The following C1QTNF12 variants were observed in gnomAD, a reference collection of about 807,000 sequenced individuals.
The protein encoded by C1QTNF12 is adipolin.
In C1QTNF12, 39 loss-of-function variants were observed where a neutral mutation model predicts 34.3. That is an observed-to-expected ratio of 1.14 (90% CI 0.88 to 1.49). The LOEUF is 1.49. Ranked by LOEUF, C1QTNF12 falls within the 40% of genes most tolerant of loss-of-function variation. The probability of loss-of-function intolerance (pLI) is 0.00; values close to 1 mark genes in which losing one functional copy is unlikely to be tolerated. For synonymous variants in C1QTNF12, 220 were observed against 196.9 expected, an observed-to-expected ratio of 1.12 and a Z score of -0.98; for missense variants, 497 against 424.7, an observed-to-expected ratio of 1.17 and a Z score of -1.50.
rs1638835191 is a variant in C1QTNF12, at chr1:1,244,661, C to T, written c.178-164G>A. ...GAGTCAGAACCCTGACGTCCCAATG[C>T]CACCAGCAGGGCAGGCATGCGGGGC... On this transcript the variant is annotated intron_variant, in intron 1 of 7. Transcript: ENST00000330388. 4.8e-6 allele frequency: 3 copies of T among 620,746 alleles called. No homozygotes were observed. The South Asian group carries it at 5.8e-5, about 12-fold the overall frequency. The allele number at this position is 620,746 out of a possible 1,614,324, so 38.5% of individuals were successfully genotyped here.
At position 1,243,130 on chromosome 1, in the gene C1QTNF12, C is replaced by G; in HGVS notation, c.663G>C (p.Lys221Asn). The G allele has an allele frequency of 1.9e-6, 3 of 1,561,188 alleles. No homozygotes were observed. In the Middle Eastern group the frequency reaches 5.1e-4, roughly 264 times the overall value. The change falls in exon 6 of 8, where the codon AAG becomes AAC. Residue 221 changes from lysine to asparagine, a missense_variant. Physicochemically the swap from Lys to Asn is moderately conservative, Grantham distance 94 (BLOSUM62 0). Coordinates refer to ENST00000330388, the MANE Select transcript of C1QTNF12 (RefSeq NM_001014980.3). ...LHVDHSELQG[K>N]ARLRARDVVC... Reference sequence around the variant, plus strand: ...CCACGTCCCGGGCCCGCAGCCGGGCCTTGCCCTGCAGCTCACTGTGGTCTG... The same window carrying G: ...CCACGTCCCGGGCCCGCAGCCGGGCGTTGCCCTGCAGCTCACTGTGGTCTG...
Position 1,246,272 on chromosome 1 carries a change from C to A in C1QTNF12, c.177+242G>T, listed in dbSNP as rs1335885941. 6.6e-6 allele frequency among the ~76,000 whole-genome samples: 1 copy of A among 152,042 alleles called. No individual in the cohort carries two copies. The highest frequency in any genetic ancestry group is 1.5e-5 in the Non-Finnish European group (1 of 67,982). ...TGCGGCCCCCAACCGCGGGAAGCCC[C>A]CTTCACCCACCCACCCCAGGCCAGC... On this transcript the variant is annotated intron_variant, in intron 1 of 7. Coordinates refer to ENST00000330388, the MANE Select transcript of C1QTNF12 (RefSeq NM_001014980.3). The surrounding 1 kb of genome is among the most constrained non-coding windows in gnomAD (Gnocchi z 4.5).
chr1:1,245,971 C>T (rs991059626), intron 1 of C1QTNF12, among the ~76,000 whole-genome samples: 3 of 152,144 alleles, frequency 2.0e-5, no homozygotes, highest in African/African-American at 7.2e-5. Context: ...GGGCTTGGGG[C>T]CTTCTGTCTT....
chr1:1,243,804 C>G, intron 4 of C1QTNF12, 150 bp downstream of exon 4: 1 of 1,181,854 alleles, frequency 8.5e-7, no homozygotes, highest in Non-Finnish European at 1.2e-6. Flanking sequence ...GGCCTCCCAA[C>G]CCTGACCCGA....
At chr1:1,244,530 G>A (rs1041704456) in intron 1 of C1QTNF12, 33 bp from the exon 2 acceptor site, 5 of 1,492,500 alleles carry the variant, frequency 3.4e-6, no homozygotes, top group Non-Finnish European at 4.7e-6. Flanking sequence ...GCGCACTGAG[G>A]CTGCACCCTG....
In C1QTNF12 at chr1:1,244,533, G is replaced by A. The variant is rs201757457; in HGVS notation, c.178-36C>T. ...GGGACGGGGCTAGCGCACTGAGGCT[G>A]CACCCTGCAGAGAGCTGGGACCCCA... On this transcript the variant is annotated intron_variant, in intron 1 of 7. Coordinates refer to ENST00000330388, the MANE Select transcript of C1QTNF12 (RefSeq NM_001014980.3). 8 of 1,472,618 alleles carry A rather than the reference G, an allele frequency of 5.4e-6. No homozygotes were observed. In the African/African-American group the frequency reaches 8.3e-5, roughly 15 times the overall value. The allele number at this position is 1,472,618 out of a possible 1,614,324, so 91.2% of individuals were successfully genotyped here. A position where few individuals can be genotyped will look rare whatever the true frequency, so the allele number is the denominator to read the frequency against.
At position 1,244,259 on chromosome 1, in the gene C1QTNF12, G is replaced by A. The variant is rs542827091; in HGVS notation, c.311C>T (p.Pro104Leu). The A allele has an allele frequency of 1.3e-6, 2 of 1,594,768 alleles. No individual in the cohort carries two copies. The highest frequency in any genetic ancestry group is 1.3e-5 in the African/African-American group (1 of 74,290). ...RDKKPRDLFGPPGPPGAEVTA... is the reference protein window; with the variant it reads ...RDKKPRDLFGLPGPPGAEVTA... ...CACTTCTGCACCTGGAGGTCCTGGG[G>A]GACCGAAGAGATCCCGCTGGGGGGA... The change falls in exon 3 of 8, where the codon CCC becomes CTC. Residue 104 changes from proline (P) to leucine (L), a missense_variant. Physicochemically the swap from Pro to Leu is moderately conservative, Grantham distance 98. Transcript: ENST00000330388.
At chr1:1,243,613 C>T in intron 4 of C1QTNF12, 61 bp from the exon 5 acceptor site, 1 of 1,392,174 alleles carries the variant, frequency 7.2e-7, no homozygotes, top group East Asian at 2.5e-5. Flanking sequence ...ACAGACCCCG[C>T]CTGGGGAAGG....
upstream of C1QTNF12, chr1:1,246,855 G>A (rs957346992): frequency 1.0e-4 from 40 of 395,344 alleles, no homozygotes; most frequent in Non-Finnish European, 1.4e-4. The surrounding 1 kb of genome is among the most constrained non-coding windows in gnomAD (Gnocchi z 4.5). Flanking sequence ...GCGCGACGGC[G>A]CTCAGGTCCC....
chr1:1,242,829 A>G lies in C1QTNF12; in HGVS notation c.810+6T>C. On this transcript the variant is annotated splice_donor_region_variant and intron_variant, in intron 7 of 7. Coordinates refer to ENST00000330388, the MANE Select transcript of C1QTNF12 (RefSeq NM_001014980.3). ...GCCCTCCCGCTCACACCCGGCCCGG[A>G]CTCACCTGCAGCTGCAGCAGCCCCT... 6.2e-7 allele frequency: 1 copy of G among 1,612,062 alleles called. No individual in the cohort carries two copies. Among genetic ancestry groups the G allele is most frequent in the Non-Finnish European group, 8.5e-7 (1 of 1,179,584 alleles).
In C1QTNF12 at chr1:1,244,396, G is replaced by A; in HGVS notation, c.279C>T (p.Ser93=). ...DDGALRKRCG[S]RDKKPRDLFG... The stretch of plus-strand genomic sequence containing the variant: ...CGGGGCTCACCGGCTTCTTGTCCCT[G>A]CTTCCGCACCGCTTCCTTAAGGCGC... The change falls in exon 2 of 8, where the codon AGC becomes AGT. Residue 93 remains serine (S), a synonymous_variant. Coordinates refer to ENST00000330388, the MANE Select transcript of C1QTNF12 (RefSeq NM_001014980.3). 1 of 1,611,570 alleles carries A rather than the reference G, an allele frequency of 6.2e-7. No individual in the cohort carries two copies. The highest frequency in any genetic ancestry group is 8.5e-7 in the Non-Finnish European group (1 of 1,179,308).
In C1QTNF12 at chr1:1,246,209, C is replaced by T. The variant is rs1638888054; in HGVS notation, c.177+305G>A. On this transcript the variant is annotated intron_variant, in intron 1 of 7. Transcript: ENST00000330388. This position sits in a 1 kb window ranked among gnomAD's most constrained non-coding sequence, Gnocchi z 4.5. ...GCAATTAACCTAATAGCAACAGGTTCCTCAGAGCGCGGCAGGCCCACGCTT... is the reference window on the plus strand; with the variant it reads ...GCAATTAACCTAATAGCAACAGGTTTCTCAGAGCGCGGCAGGCCCACGCTT... Among the ~76,000 whole-genome samples, 1 of 146,524 alleles carries T rather than the reference C, an allele frequency of 6.8e-6. No homozygotes were observed. The highest frequency in any genetic ancestry group is 1.5e-5 in the Non-Finnish European group (1 of 66,744).
At chr1:1,247,065 C>A (rs1051565296), upstream of C1QTNF12, among the ~76,000 whole-genome samples, 1 of 152,118 alleles carries the variant, frequency 6.6e-6, no homozygotes, top group Non-Finnish European at 1.5e-5. Flanking sequence ...CCCCCACTGA[C>A]CCCGGCCGCT....
At chr1:1,242,709 T>C in intron 7 of C1QTNF12, 63 bp from the exon 8 acceptor site, 1 of 1,549,464 alleles carries the variant, frequency 6.5e-7, no homozygotes, top group South Asian at 1.2e-5. Context: ...GGCCAACGTC[T>C]GCCCACCTGC....
At chr1:1,244,601 C>G in intron 1 of C1QTNF12, 104 bp from the exon 2 acceptor site, 2 of 924,600 alleles carry the variant, frequency 2.2e-6, no homozygotes, top group African/African-American at 3.3e-5. Context: ...GAAGGCATCG[C>G]CGGCCAGGAG....
At position 1,242,898 on chromosome 1, in the gene C1QTNF12, G is replaced by A. The variant is rs1426201527; in HGVS notation, c.747C>T (p.Val249=). Residue 249 remains valine (V), a synonymous_variant, in exon 7 of 8, where the codon GTC becomes GTT. Transcript: ENST00000330388. ...LCQRHTCLEA[V]SGLESNSRVF... ...CCCTGCTGTTGCTCTCCAGGCCTGA[G>A]ACGGCCTCCAGGCACCTGAACACAG... 2 of 1,612,396 alleles carry A rather than the reference G, an allele frequency of 1.2e-6. No individual in the cohort carries two copies. Among genetic ancestry groups the A allele is most frequent in the East Asian group, 4.5e-5 (2 of 44,874 alleles).
chr1:1,243,937 C>G lies in C1QTNF12; in HGVS notation c.531+17G>C. 6.2e-7 allele frequency: 1 copy of G among 1,601,332 alleles called. No individual in the cohort carries two copies. Among genetic ancestry groups the G allele is most frequent in the Non-Finnish European group, 8.5e-7 (1 of 1,175,008 alleles). On this transcript the variant is annotated intron_variant, in intron 4 of 7. Coordinates refer to ENST00000330388, the MANE Select transcript of C1QTNF12 (RefSeq NM_001014980.3). ...GCCCCACCCAACACCCCGCTCTAAG[C>G]TCCCGGCTCCACTCACAGCCTGGAA... is the stretch of plus-strand genomic sequence containing the variant.
In C1QTNF12 at chr1:1,244,399, T is replaced by C. The variant is rs752257683; in HGVS notation, c.276A>G (p.Gly92=). The part of the protein sequence containing the change: ...PDDGALRKRC[G]SRDKKPRDLF... ...GGCTCACCGGCTTCTTGTCCCTGCTTCCGCACCGCTTCCTTAAGGCGCCGT... is the reference window on the plus strand; with the variant it reads ...GGCTCACCGGCTTCTTGTCCCTGCTCCCGCACCGCTTCCTTAAGGCGCCGT... The change falls in exon 2 of 8, where the codon GGA becomes GGG. Residue 92 remains glycine (G), a synonymous_variant. Coordinates refer to ENST00000330388, the MANE Select transcript of C1QTNF12 (RefSeq NM_001014980.3). 6.2e-7 allele frequency: 1 copy of C among 1,611,758 alleles called. No homozygotes were observed. The highest frequency in any genetic ancestry group is 8.5e-7 in the Non-Finnish European group (1 of 1,179,466).
Position 1,246,653 on chromosome 1 carries a change from A to G in C1QTNF12, c.38T>C (p.Leu13Pro). 3 of 1,231,854 alleles carry G rather than the reference A, an allele frequency of 2.4e-6. No homozygotes were observed. Among genetic ancestry groups the G allele is most frequent in the Non-Finnish European group, 2.0e-6 (2 of 987,908 alleles). The allele number at this position is 1,231,854 out of a possible 1,614,324, so 76.3% of individuals were successfully genotyped here. The change falls in exon 1 of 8, where the codon CTC becomes CCC. Residue 13 changes from leucine (L) to proline (P), a missense_variant. Coordinates refer to ENST00000330388, the MANE Select transcript of C1QTNF12 (RefSeq NM_001014980.3). The surrounding 1 kb of genome is among the most constrained non-coding windows in gnomAD (Gnocchi z 4.5). ...CCCGAGGAGCACGAGCTGCGGCCCG[A>G]GGAGGACCACGACCGCGGCCCAGGC... ...RWAWAAVVVL[L>P]GPQLVLLGGV...
Sources: gnomAD v4.1 joint callset for allele counts (sites outside exome capture counted in the v4.1 genomes callset) on GRCh38, gnomAD v4.1.1 for gene constraint, Gnocchi (gnomAD v3.1) non-coding constraint, MANE v1.5 for transcripts, NCBI Gene and HGNC (gene_info 2026-07-23, HGNC 2026-07-21) for gene names.